The following TLN2 variants were observed in gnomAD, a reference collection of about 807,000 sequenced individuals.
TLN2 encodes the protein talin 2.
Under a neutral mutation model 294.7 loss-of-function variants are expected in TLN2, and 118 were observed. The observed-to-expected ratio is 0.40, with a 90% CI of 0.34 to 0.47. TLN2 has a LOEUF of 0.47. TLN2 is among the 20% of genes least tolerant of loss of function. TLN2 has a pLI of 0.84. For missense variants in TLN2, 3,083 were observed against 3,282.2 expected (o/e 0.94, Z 1.48); for synonymous variants, 1,431 against 1,304.5 (o/e 1.10, Z -2.09).
chr15:62,727,344 C>CT (rs2060494368), intron 28 of TLN2, among the ~76,000 whole-genome samples, 155 bp downstream of exon 28: 1 of 152,176 alleles, frequency 6.6e-6, no homozygotes, highest in Non-Finnish European at 1.5e-5. Flanking sequence ...TGTTACCGGG[C>CT]TTGATACTAA....
At chr15:62,640,881 A>G (rs968674675) in intron 3 of TLN2, among the ~76,000 whole-genome samples, 9 of 152,078 alleles carry the variant, frequency 5.9e-5, no homozygotes, top group Admixed American at 1.3e-4. Context: ...GGCTCACTGC[A>G]ACCACTACCT....
chr15:62,611,078 G>A (rs942165620), intron 2 of TLN2, among the ~76,000 whole-genome samples: 6 of 152,156 alleles, frequency 3.9e-5, no homozygotes, highest in Non-Finnish European at 8.8e-5. Flanking sequence ...AGAGCCGTGG[G>A]CAAGAAGCAA....
chr15:62,432,637 A>G (rs977685073), intron 1 of TLN2, among the ~76,000 whole-genome samples: 1 of 152,160 alleles, frequency 6.6e-6, no homozygotes, highest in African/African-American at 2.4e-5. Flanking sequence ...ATTTAATTTA[A>G]TTTTTAAATG....
intron 1 of TLN2, among the ~76,000 whole-genome samples, chr15:62,535,498 C>G (rs2041293772): frequency 6.6e-6 from 1 of 151,908 alleles, no homozygotes; most frequent in Non-Finnish European, 1.5e-5. Context: ...ACACCCCTCT[C>G]TCTCCAGGTA....
chr15:62,702,722 G>A (rs1447776160), intron 18 of TLN2, 44 bp from the exon 19 acceptor site: 13 of 1,584,026 alleles, frequency 8.2e-6, no homozygotes, highest in Non-Finnish European at 1.0e-5. Context: ...GGCACTGGAG[G>A]AAATGCGTTT....
At chr15:62,402,826 A>T (rs1347219340) in intron 1 of TLN2, among the ~76,000 whole-genome samples, 1 of 152,240 alleles carries the variant, frequency 6.6e-6, no homozygotes, top group African/African-American at 2.4e-5. Flanking sequence ...CGTGTGAATG[A>T]GATCCTGTCC....
chr15:62,709,329 T>C (rs1487308401), intron 21 of TLN2, among the ~76,000 whole-genome samples: 1 of 152,180 alleles, frequency 6.6e-6, no homozygotes, highest in Admixed American at 6.5e-5. Flanking sequence ...GTTTAAATAA[T>C]TTTGGCAGGC....
At chr15:62,456,559 T>C (rs1191813174) in intron 1 of TLN2, among the ~76,000 whole-genome samples, 1 of 152,180 alleles carries the variant, frequency 6.6e-6, no homozygotes, top group Non-Finnish European at 1.5e-5. Context: ...TTGGGTAGAC[T>C]TAGGTAGTAT....
Position 62,825,859 on chromosome 15 carries a change from T to TTATAATATATA in TLN2, c.7002+5249_7002+5250insTATAATATATA, listed in dbSNP as rs2068133566. ...ATAATATATATAAATATATTATATA[T>TTATAATATATA]ATATATATTTATATATATATATAAT... On this transcript the variant is annotated intron_variant, in intron 54 of 58. Transcript: ENST00000636159. Among the ~76,000 whole-genome samples, 3 of 90,048 alleles carry TTATAATATATA rather than the reference T, an allele frequency of 3.3e-5. No homozygotes were observed. In the South Asian group the frequency reaches 9.4e-4, roughly 28 times the overall value. The allele number at this position is 90,048 out of a possible 152,430, so 59.1% of individuals were successfully genotyped here.
intron 2 of TLN2, among the ~76,000 whole-genome samples, chr15:62,599,624 C>T (rs926776346): frequency 5.3e-5 from 8 of 152,170 alleles, no homozygotes; most frequent in African/African-American, 1.9e-4. Flanking sequence ...AGCCTTTTTA[C>T]CTGATCCTAA....
At chr15:62,702,600 T>G (rs1218584182) in intron 18 of TLN2, among the ~76,000 whole-genome samples, 166 bp from the exon 19 acceptor site, 1 of 152,262 alleles carries the variant, frequency 6.6e-6, no homozygotes, top group East Asian at 1.9e-4. Context: ...GATGTTTCCT[T>G]TCACGGATTT....
At chr15:62,834,634 C>G (rs1458917438) in intron 55 of TLN2, 1 of 152,236 alleles carries the variant, frequency 6.6e-6, no homozygotes, top group Non-Finnish European at 1.5e-5. Context: ...CCATGTCCGT[C>G]TCCCCACCTG....
At chr15:62,816,830 T>G (rs2067155437) in intron 52 of TLN2, among the ~76,000 whole-genome samples, 1 of 152,202 alleles carries the variant, frequency 6.6e-6, no homozygotes, top group African/African-American at 2.4e-5. Flanking sequence ...ATTAATAACC[T>G]GGTAGTCGTA....
chr15:62,746,353 T>C (rs1483932009), intron 32 of TLN2, among the ~76,000 whole-genome samples: 2 of 152,164 alleles, frequency 1.3e-5, no homozygotes, highest in Admixed American at 6.5e-5. Context: ...GACTACACCC[T>C]CCGCAATCCT....
chr15:62,608,664 A>C (rs1231234736), intron 2 of TLN2, among the ~76,000 whole-genome samples: 1 of 152,122 alleles, frequency 6.6e-6, no homozygotes, highest in Non-Finnish European at 1.5e-5. Context: ...CACGGGGACA[A>C]GGGAGAGGTG....
At chr15:62,493,656 G>A (rs1157615566) in intron 1 of TLN2, among the ~76,000 whole-genome samples, 4 of 151,650 alleles carry the variant, frequency 2.6e-5, no homozygotes, top group African/African-American at 9.7e-5. Flanking sequence ...TGTTGACCAG[G>A]CTGGAGTGCA....
At chr15:62,561,174 C>T (rs1207575044) in intron 1 of TLN2, among the ~76,000 whole-genome samples, 1 of 152,150 alleles carries the variant, frequency 6.6e-6, no homozygotes, top group Non-Finnish European at 1.5e-5. Flanking sequence ...ATAGGACTTG[C>T]ACCTAATCAA....
intron 1 of TLN2, among the ~76,000 whole-genome samples, chr15:62,472,734 G>A (rs2037551430): frequency 6.6e-6 from 1 of 152,194 alleles, no homozygotes. Context: ...GGAAGGGTTA[G>A]GAATTGAGAC....
intron 4 of TLN2, among the ~76,000 whole-genome samples, chr15:62,647,770 T>C (rs1341202068): frequency 1.3e-5 from 2 of 152,138 alleles, no homozygotes; most frequent in Non-Finnish European, 2.9e-5. Context: ...GCCCTAACAG[T>C]ATTGGCGGTA....
Sources: gnomAD v4.1 joint callset for allele counts (sites outside exome capture counted in the v4.1 genomes callset) on GRCh38, gnomAD v4.1.1 for gene constraint, MANE v1.5 for transcripts, NCBI Gene and HGNC (gene_info 2026-07-23, HGNC 2026-07-21) for gene names.